Variants in HOOK3 observed in about 807,000 individuals in gnomAD.
HOOK3 encodes hook microtubule tethering protein 3.
A neutral mutation model predicts 116.3 loss-of-function variants in HOOK3; 24 were observed. The observed-to-expected ratio is 0.21, with a 90% CI of 0.15 to 0.29. HOOK3 has a LOEUF of 0.29. Ranked by LOEUF, HOOK3 falls within the 10% of genes least tolerant of loss-of-function variation. The pLI, the probability that HOOK3 is intolerant of heterozygous loss-of-function variation, is 1.00. For missense variants in HOOK3, 632 were observed against 830.2 expected, an observed-to-expected ratio of 0.76 and a Z score of 2.93; for synonymous variants, 275 against 283.0, an observed-to-expected ratio of 0.97 and a Z score of 0.28.
At chr8:43,008,663 A>ATTTTTTT (rs546007965) in intron 18 of HOOK3, among the ~76,000 whole-genome samples, 5 of 131,460 alleles carry the variant, frequency 3.8e-5, no homozygotes, top group African/African-American at 1.5e-4. Flanking sequence ...TTTTATTTTT[A>ATTTTTTT]TTTTTTTTTT....
At chr8:42,926,870 A>G (rs774814834) in intron 3 of HOOK3, among the ~76,000 whole-genome samples, 2 of 152,226 alleles carry the variant, frequency 1.3e-5, no homozygotes, top group African/African-American at 2.4e-5. Context: ...GTCACCACAC[A>G]GCTTCCTGTG....
intron 6 of HOOK3, among the ~76,000 whole-genome samples, chr8:42,951,937 CA>C (rs57984038): frequency 2.9e-4 from 38 of 130,024 alleles, no homozygotes; most frequent in Non-Finnish European, 2.4e-4. Flanking sequence ...GACTCCGTCT[CA>C]AAAAAAAAAA....
intron 19 of HOOK3, among the ~76,000 whole-genome samples, chr8:43,012,303 C>G (rs1219718063): frequency 6.6e-6 from 1 of 152,172 alleles, no homozygotes; most frequent in African/African-American, 2.4e-5. Flanking sequence ...CTTCTAGGTA[C>G]AAACCTGTAC....
At chr8:42,993,830 G>A (rs530134751) in intron 15 of HOOK3, among the ~76,000 whole-genome samples, 11 of 151,822 alleles carry the variant, frequency 7.2e-5, no homozygotes, top group South Asian at 2.1e-4. Flanking sequence ...GAATTTCTCC[G>A]GTATCAGTTG....
intron 5 of HOOK3, among the ~76,000 whole-genome samples, chr8:42,947,485 TATA>T (rs1808251845): frequency 6.6e-6 from 1 of 152,180 alleles, no homozygotes; most frequent in South Asian, 2.1e-4. Context: ...GATAGTCAAT[TATA>T]ATATTTATTG....
chr8:42,915,315 G>A (rs1223318037), intron 2 of HOOK3, among the ~76,000 whole-genome samples: 6 of 151,768 alleles, frequency 4.0e-5, no homozygotes, highest in South Asian at 4.2e-4. Context: ...TCTCAAAGTC[G>A]GATTGTGTTA....
chr8:43,013,830 T>C (rs1472214007), intron 21 of HOOK3, among the ~76,000 whole-genome samples: 1 of 152,204 alleles, frequency 6.6e-6, no homozygotes, highest in Non-Finnish European at 1.5e-5. Flanking sequence ...CTGCAGGTTT[T>C]GAAATTGAAT....
intron 14 of HOOK3, among the ~76,000 whole-genome samples, chr8:42,985,475 A>G (rs1179629098): frequency 6.6e-6 from 1 of 152,198 alleles, no homozygotes; most frequent in Non-Finnish European, 1.5e-5. Flanking sequence ...CATTTGAAAA[A>G]TGTTTGCATG....
intron 4 of HOOK3, among the ~76,000 whole-genome samples, chr8:42,937,410 G>C (rs1807994010): frequency 7.5e-6 from 1 of 133,982 alleles, no homozygotes; most frequent in Non-Finnish European, 1.5e-5. Flanking sequence ...TCTGATCTTA[G>C]TTATTTCTTG....
chr8:43,005,226 T>TTG (rs1554515802), intron 17 of HOOK3, among the ~76,000 whole-genome samples: 4 of 138,608 alleles, frequency 2.9e-5, no homozygotes, highest in African/African-American at 1.1e-4. Flanking sequence ...TTTTTTTTTT[T>TTG]TTTTTTTTTT....
rs576623325 is a variant in HOOK3 at position 43,024,103 on chromosome 8, G to A, written c.*5605G>A. The stretch of plus-strand genomic sequence containing the variant: ...GGAAACCGAGCTAGTTTACAGCCAC[G>A]TGGATAAGAACATCTTTGTTTCTAA... On this transcript the variant is annotated 3_prime_UTR_variant, in exon 22 of 22. Coordinates refer to ENST00000307602, the MANE Select transcript of HOOK3 (RefSeq NM_032410.4). 24 of 207,204 alleles carry A rather than the reference G, an allele frequency of 1.2e-4. No homozygotes were observed. In the South Asian group the frequency reaches 4.2e-3, roughly 36 times the overall value. 12.8% of individuals were successfully genotyped at this position (207,204 alleles called of 1,614,324 possible). A position where few individuals can be genotyped will look rare whatever the true frequency, so the allele number is the denominator to read the frequency against.
At chr8:42,998,038 A>C (rs1809313065) in intron 16 of HOOK3, 2 of 239,998 alleles carry the variant, frequency 8.3e-6, no homozygotes, top group East Asian at 2.4e-4. Flanking sequence ...TGCCGTCCCT[A>C]GTATTGCATT....
chr8:42,923,291 C>T (rs899531710), intron 2 of HOOK3, among the ~76,000 whole-genome samples: 1 of 152,188 alleles, frequency 6.6e-6, no homozygotes, highest in Non-Finnish European at 1.5e-5. Flanking sequence ...TTGGCCTTGC[C>T]TCACATGACC....
chr8:43,023,354 T>C lies in HOOK3; in HGVS notation c.*4856T>C. ...TAGGTTGAAGAAAATATACATTTTATTGATGAGCCACTTTGCTATCTCTCC... is the reference window on the plus strand; with the variant it reads ...TAGGTTGAAGAAAATATACATTTTACTGATGAGCCACTTTGCTATCTCTCC... On this transcript the variant is annotated 3_prime_UTR_variant, in exon 22 of 22. Coordinates refer to ENST00000307602, the MANE Select transcript of HOOK3 (RefSeq NM_032410.4). 1 of 182,164 alleles carries C rather than the reference T, an allele frequency of 5.5e-6. No homozygotes were observed. The highest frequency in any genetic ancestry group is 8.9e-5 in the East Asian group (1 of 11,178). The allele number at this position is 182,164 out of a possible 1,614,324, so 11.3% of individuals were successfully genotyped here. A position where few individuals can be genotyped will look rare whatever the true frequency, so the allele number is the denominator to read the frequency against.
At position 43,019,387 on chromosome 8, in the gene HOOK3, G is replaced by T; in HGVS notation, c.*889G>T. ...ATCTTTCATATATGTACAAGTTATT[G>T]GTAGTCTTATTTTTGGGCTGTTTGT... On this transcript the variant is annotated 3_prime_UTR_variant, in exon 22 of 22. Coordinates refer to ENST00000307602, the MANE Select transcript of HOOK3 (RefSeq NM_032410.4). The T allele has an allele frequency of 4.7e-6, 1 of 214,198 alleles. No homozygotes were observed. The highest frequency in any genetic ancestry group is 2.3e-5 in the African/African-American group (1 of 44,414). 13.3% of individuals were successfully genotyped at this position (214,198 alleles called of 1,614,324 possible). A position where few individuals can be genotyped will look rare whatever the true frequency, so the allele number is the denominator to read the frequency against.
chr8:42,905,332 G>T lies in HOOK3; in HGVS notation c.58-841G>T, dbSNP rs1338548249. Among the ~76,000 whole-genome samples, 5 of 146,778 alleles carry T rather than the reference G, an allele frequency of 3.4e-5. No individual in the cohort carries two copies. In the East Asian group the frequency reaches 7.8e-4, roughly 23 times the overall value. On this transcript the variant is annotated intron_variant, in intron 1 of 21. Coordinates refer to ENST00000307602, the MANE Select transcript of HOOK3 (RefSeq NM_032410.4). ...TTTTCCTGTTTCTTTTTTTGGGGGGGGGGGTGCCGTGGTGGAGGGGATATA... is the reference window on the plus strand; with the variant it reads ...TTTTCCTGTTTCTTTTTTTGGGGGGTGGGGTGCCGTGGTGGAGGGGATATA...
At chr8:42,957,577 T>C (rs1563300831) in intron 7 of HOOK3, among the ~76,000 whole-genome samples, 1 of 152,172 alleles carries the variant, frequency 6.6e-6, no homozygotes, top group Non-Finnish European at 1.5e-5. Context: ...TGTCATTTTC[T>C]TGGAAAATGA....
chr8:42,935,336 A>G (rs1353328523), intron 4 of HOOK3, among the ~76,000 whole-genome samples: 1 of 151,936 alleles, frequency 6.6e-6, no homozygotes, highest in Non-Finnish European at 1.5e-5. Context: ...CCCATTCTGT[A>G]GGTTGCCTTT....
At chr8:42,940,028 A>AT (rs1191740635) in intron 4 of HOOK3, among the ~76,000 whole-genome samples, 1 of 146,856 alleles carries the variant, frequency 6.8e-6, no homozygotes, top group Non-Finnish European at 1.5e-5. Flanking sequence ...GGCTCCTCAC[A>AT]TCCCAGACGG....
Sources: allele counts gnomAD v4.1 joint callset (sites outside exome capture counted in the v4.1 genomes callset), GRCh38; gene constraint gnomAD v4.1.1; transcripts MANE v1.5; gene names NCBI Gene and HGNC (gene_info 2026-07-23, HGNC 2026-07-21).